The following SDK1 variants were observed in gnomAD, a reference collection of about 807,000 sequenced individuals.
The protein encoded by SDK1 is protein sidekick-1.
Under a neutral mutation model 245.5 loss-of-function variants are expected in SDK1, and 157 were observed. The observed-to-expected ratio is 0.64, with a 90% CI of 0.56 to 0.73. The LOEUF is 0.73. SDK1 is among the 30% of genes least tolerant of loss of function. The pLI is 0.00. For synonymous variants in SDK1, 1,647 were observed against 1,278.5 expected, an observed-to-expected ratio of 1.29 and a Z score of -6.15; for missense variants, 3,583 against 3,002.3, an observed-to-expected ratio of 1.19 and a Z score of -4.52.
At chr7:3,608,180 T>C (rs1781481148) in intron 1 of SDK1, among the ~76,000 whole-genome samples, 1 of 152,208 alleles carries the variant, frequency 6.6e-6, no homozygotes, top group Non-Finnish European at 1.5e-5. Context: ...CTTAAAGTAG[T>C]AAAAATTATT....
chr7:3,489,709 G>C (rs899304012), intron 1 of SDK1, among the ~76,000 whole-genome samples: 1 of 152,154 alleles, frequency 6.6e-6, no homozygotes, highest in African/African-American at 2.4e-5. Flanking sequence ...AAATAAAGTA[G>C]CTTTTCTTAA....
intron 5 of SDK1, among the ~76,000 whole-genome samples, chr7:3,842,145 C>A (rs117455207): frequency 0.019 from 2,890 of 152,300 alleles, 37 homozygotes; most frequent in Admixed American, 0.032. Flanking sequence ...ACTGTCCTTC[C>A]CAGGGCTGGC....
chr7:4,158,603 G>C (rs748438211), intron 31 of SDK1, 52 bp downstream of exon 31: 5 of 1,338,826 alleles, frequency 3.7e-6, no homozygotes, highest in Non-Finnish European at 5.3e-6. Context: ...CCTGGAGCCC[G>C]AGATACTTAG....
rs117229345 is a variant in SDK1, at chr7:3,577,883, G to C, written c.299-41197G>C. 2.0e-5 allele frequency among the ~76,000 whole-genome samples: 3 copies of C among 151,990 alleles called. 1 individual carries two copies. Among genetic ancestry groups the C allele is most frequent in the African/African-American group, 7.2e-5 (3 of 41,432 alleles). ...GCTCCTGTCATGTCCGTACGCCTTA[G>C]AGGTGTGCGGTGACTGCATTGCTGA... On this transcript the variant is annotated intron_variant, in intron 1 of 44. Transcript: ENST00000404826.
intron 1 of SDK1, among the ~76,000 whole-genome samples, chr7:3,485,236 C>T (rs943449599): frequency 2.0e-5 from 3 of 152,120 alleles, no homozygotes; most frequent in African/African-American, 4.8e-5. Flanking sequence ...TTTTGATTTG[C>T]GTTTCTTAAT....
chr7:3,467,751 T>G (rs1781053090), intron 1 of SDK1, among the ~76,000 whole-genome samples: 1 of 152,114 alleles, frequency 6.6e-6, no homozygotes, highest in South Asian at 2.1e-4. Flanking sequence ...TAAACTTAAT[T>G]TTTTTAGTAA....
At chr7:3,738,911 G>GT (rs1475931564) in intron 4 of SDK1, among the ~76,000 whole-genome samples, 1 of 151,702 alleles carries the variant, frequency 6.6e-6, no homozygotes, top group Non-Finnish European at 1.5e-5. Flanking sequence ...ATTCTAACAG[G>GT]TTTTTTGTGG....
At chr7:3,690,224 G>C (rs543740985) in intron 4 of SDK1, among the ~76,000 whole-genome samples, 3 of 152,274 alleles carry the variant, frequency 2.0e-5, no homozygotes, top group African/African-American at 7.2e-5. Context: ...TCCAGGGCTT[G>C]CTAGTTGAAT....
intron 13 of SDK1, among the ~76,000 whole-genome samples, chr7:3,978,005 A>T (rs2128135596): frequency 6.6e-6 from 1 of 152,160 alleles, no homozygotes; most frequent in African/African-American, 2.4e-5. Flanking sequence ...CGTTCTACCA[A>T]AACCCAAACA....
intron 1 of SDK1, among the ~76,000 whole-genome samples, chr7:3,471,998 A>G (rs1781199508): frequency 6.6e-6 from 1 of 152,166 alleles, no homozygotes; most frequent in African/African-American, 2.4e-5. Flanking sequence ...TATAGTCTTG[A>G]GCATTTTTTC....
At chr7:3,381,655 C>T (rs549476383) in intron 1 of SDK1, among the ~76,000 whole-genome samples, 3 of 151,994 alleles carry the variant, frequency 2.0e-5, no homozygotes, top group South Asian at 2.1e-4. Context: ...TATTTTCCAA[C>T]GGAGGTGGAA....
chr7:3,858,209 A>T (rs577839332), intron 5 of SDK1, among the ~76,000 whole-genome samples: 4 of 152,310 alleles, frequency 2.6e-5, no homozygotes, highest in South Asian at 4.1e-4. Context: ...TGGTGAAAAG[A>T]GAAAATTGCT....
intron 4 of SDK1, among the ~76,000 whole-genome samples, chr7:3,790,779 CAA>C (rs1372617153): frequency 6.6e-6 from 1 of 152,170 alleles, no homozygotes; most frequent in African/African-American, 2.4e-5. Flanking sequence ...GCCTGGGAAA[CAA>C]GAGCGAAACT....
At chr7:3,912,583 C>T (rs1779212538) in intron 5 of SDK1, among the ~76,000 whole-genome samples, 1 of 152,216 alleles carries the variant, frequency 6.6e-6, no homozygotes, top group Admixed American at 6.5e-5. Context: ...GGGAAGCCAA[C>T]CACCCACAAC....
intron 29 of SDK1, among the ~76,000 whole-genome samples, chr7:4,146,440 T>A (rs982026228): frequency 1.3e-5 from 2 of 150,410 alleles, no homozygotes; most frequent in African/African-American, 4.9e-5. Context: ...CTCAGACATG[T>A]GAGCATTGCA....
chr7:4,221,354 C>G lies in SDK1; in HGVS notation c.5817C>G (p.Ala1939=). 6.2e-7 allele frequency: 1 copy of G among 1,608,568 alleles called. No homozygotes were observed. Among genetic ancestry groups the G allele is most frequent in the Non-Finnish European group, 8.5e-7 (1 of 1,177,814 alleles). The change falls in exon 40 of 45, where the codon GCC becomes GCG. Residue 1939 remains alanine, a synonymous_variant. Transcript: ENST00000404826. The part of the protein sequence containing the change: ...DTPTTGYVIE[A]RPSDEGLWDM... ...CTACCACGGGCTATGTGATCGAGGC[C>G]CGGCCCTCAGGTAGGGTGGCAGGCC...
At chr7:3,631,653 C>G (rs1395777583) in intron 2 of SDK1, among the ~76,000 whole-genome samples, 1 of 152,188 alleles carries the variant, frequency 6.6e-6, no homozygotes. Flanking sequence ...CTTTTTGGAA[C>G]TCTGTATGGT....
At chr7:3,561,555 C>G (rs1275043314) in intron 1 of SDK1, among the ~76,000 whole-genome samples, 3 of 152,124 alleles carry the variant, frequency 2.0e-5, no homozygotes, top group African/African-American at 7.2e-5. Context: ...GTTTATTTCC[C>G]TAAATGGTAG....
At chr7:3,699,878 G>A (rs1445981155) in intron 4 of SDK1, among the ~76,000 whole-genome samples, 1 of 152,042 alleles carries the variant, frequency 6.6e-6, no homozygotes, top group African/African-American at 2.4e-5. Flanking sequence ...CAAGATCAAA[G>A]AAATGCACAT....
Sources: gnomAD v4.1 joint callset for allele counts (sites outside exome capture counted in the v4.1 genomes callset) on GRCh38, gnomAD v4.1.1 for gene constraint, MANE v1.5 for transcripts, NCBI Gene and HGNC (gene_info 2026-07-23, HGNC 2026-07-21) for gene names.